DCAF13: variants seen among roughly 807,000 people sequenced by gnomAD.
DCAF13 encodes the protein DDB1 and CUL4 associated factor 13.
DCAF13 carries 38 observed loss-of-function variants against 59.0 expected under a neutral mutation model. The observed-to-expected ratio is 0.64, with a 90% CI of 0.50 to 0.84. DCAF13 has a LOEUF of 0.84. Ranked by LOEUF, DCAF13 falls within the 40% of genes least tolerant of loss-of-function variation. DCAF13 has a pLI of 0.00. For missense variants in DCAF13, 469 were observed against 558.4 expected (o/e 0.84, Z 1.61); for synonymous variants, 173 against 175.0 (o/e 0.99, Z 0.09).
At position 103,418,862 on chromosome 8, in the gene DCAF13, ATATATTTTTTTTTTTTTTTTTTTT is replaced by A. The variant is rs1369104002; in HGVS notation, c.71-1400_71-1377del. ...TATATATATATATATATATATATAT[ATATATTTTTTTTTTTTTTTTTTTT>A]TTTTTTTTTTTTTTTGAGATGAAGT... is the stretch of plus-strand genomic sequence containing the variant. On this transcript the variant is annotated intron_variant, in intron 1 of 10. Coordinates refer to ENST00000612750, the MANE Select transcript of DCAF13 (RefSeq NM_015420.7). Among the ~76,000 whole-genome samples, 6 of 21,260 alleles carry A rather than the reference ATATATTTTTTTTTTTTTTTTTTTT, an allele frequency of 2.8e-4. No homozygotes were observed. The South Asian group carries it at 5.8e-3, about 20-fold the overall frequency. 13.9% of individuals were successfully genotyped at this position (21,260 alleles called of 152,430 possible). A position where few individuals can be genotyped will look rare whatever the true frequency, so the allele number is the denominator to read the frequency against.
At position 103,415,514 on chromosome 8, in the gene DCAF13, G is replaced by A. The variant is rs149094412; in HGVS notation, c.68G>A (p.Arg23Lys). Residue 23 changes from arginine (R) to lysine (K), a missense_variant and splice_region_variant, in exon 1 of 11, where the codon AGA becomes AAA. Transcript: ENST00000612750. ...YVRETKLDLQ[R>K]VPRNYDPALH... ...CGCGAAACCAAGTTGGACTTACAGA[G>A]AGGTAAGATAAGTTGGTAGGGAGAA... 6.2e-6 allele frequency: 10 copies of A among 1,606,728 alleles called. No individual in the cohort carries two copies. In the African/African-American group the frequency reaches 1.1e-4, roughly 17 times the overall value.
Position 103,442,871 on chromosome 8 carries a change from G to A in DCAF13, c.1327G>A (p.Val443Ile), listed in dbSNP as rs1255573541. 2 of 1,603,542 alleles carry A rather than the reference G, an allele frequency of 1.2e-6. No individual in the cohort carries two copies. The highest frequency in any genetic ancestry group is 2.2e-5 in the South Asian group (2 of 89,764). ...AGAGAAGAAGAAACACGTAGTGGCA[G>A]TTGTAAAATAATTGGTATTCCTAAC... ...VSEKKKHVVA[V>I]VK Residue 443 changes from valine (V) to isoleucine (I), a missense_variant, in exon 11 of 11, where the codon GTT becomes ATT. Around this residue, in one of 3 missense-constraint regions of DCAF13, gnomAD observed 84 missense variants for 92.3 expected, o/e 0.91. Transcript: ENST00000612750.
Position 103,435,414 on chromosome 8 carries a change from A to G in DCAF13, c.786-212A>G, listed in dbSNP as rs143071451. Among the ~76,000 whole-genome samples, 363 of 152,172 alleles carry G rather than the reference A, an allele frequency of 2.4e-3. 2 individuals are homozygous for G. The highest frequency in any genetic ancestry group is 3.3e-3 in the Non-Finnish European group (221 of 67,986). ...CTACAATGAGATTTATAGGGTGGAA[A>G]ATGTGTTGGTATATATATAAGTGGA... On this transcript the variant is annotated intron_variant, in intron 7 of 10. Coordinates refer to ENST00000612750, the MANE Select transcript of DCAF13 (RefSeq NM_015420.7).
At chr8:103,442,292 T>A (rs1817021909) in intron 10 of DCAF13, 2 of 152,304 alleles carry the variant, frequency 1.3e-5, no homozygotes, top group Admixed American at 1.3e-4. Flanking sequence ...TTTTCCAAGT[T>A]AAAGAATTAA....
chr8:103,441,696 A>G (rs1586136376), intron 10 of DCAF13, 78 bp downstream of exon 10: 1 of 1,350,834 alleles, frequency 7.4e-7, no homozygotes, highest in Non-Finnish European at 1.0e-6. Flanking sequence ...GTTAACTGCC[A>G]TTCAAGGGAG....
intron 7 of DCAF13, 30 bp downstream of exon 7, chr8:103,432,771 A>G (rs759188474): frequency 3.0e-6 from 4 of 1,354,500 alleles, no homozygotes; most frequent in Admixed American, 1.7e-5. Flanking sequence ...AAACTTGTGT[A>G]TTTCTATCAT....
chr8:103,435,804 A>G lies in DCAF13; in HGVS notation c.950+14A>G. On this transcript the variant is annotated intron_variant, in intron 8 of 10. Transcript: ENST00000612750. ...AAGTCGAAGCAGGTATGTGCCTACC[A>G]GTAAGCCATTTATATTCATATGTCA... 2.5e-6 allele frequency: 4 copies of G among 1,612,408 alleles called. No homozygotes were observed. The highest frequency in any genetic ancestry group is 2.5e-6 in the Non-Finnish European group (3 of 1,179,182).
Position 103,427,730 on chromosome 8 carries a change from T to C in DCAF13, c.624+478T>C, listed in dbSNP as rs966051058. 7.1e-5 allele frequency: 11 copies of C among 154,230 alleles called. 1 individual carries two copies. Among genetic ancestry groups the C allele is most frequent in the African/African-American group, 1.7e-4 (7 of 41,490 alleles). 9.6% of individuals were successfully genotyped at this position (154,230 alleles called of 1,614,324 possible). On this transcript the variant is annotated intron_variant, in intron 5 of 10. Coordinates refer to ENST00000612750, the MANE Select transcript of DCAF13 (RefSeq NM_015420.7). ...TGTTGAACTGCATGGTAATTAGTTATAGTTATATTTTTCTTTGCTCAGAAG... is the reference window on the plus strand; with the variant it reads ...TGTTGAACTGCATGGTAATTAGTTACAGTTATATTTTTCTTTGCTCAGAAG...
At position 103,432,665 on chromosome 8, in the gene DCAF13, T is replaced by C; in HGVS notation, c.709T>C (p.Leu237=). The C allele has an allele frequency of 6.3e-7, 1 of 1,585,812 alleles. No individual in the cohort carries two copies. Among genetic ancestry groups the C allele is most frequent in the Non-Finnish European group, 8.6e-7 (1 of 1,157,154 alleles). The part of the protein sequence containing the change: ...RQATPLKKVI[L]DMRTNTICWN... Reference sequence around the variant, plus strand: ...TCCATTCTTCCTTTCTCAGGTTATCTTAGATATGAGAACAAATACAATCTG... The same window carrying C: ...TCCATTCTTCCTTTCTCAGGTTATCCTAGATATGAGAACAAATACAATCTG... Residue 237 remains leucine (L), a synonymous_variant, in exon 7 of 11, where the codon TTA becomes CTA. Coordinates refer to ENST00000612750, the MANE Select transcript of DCAF13 (RefSeq NM_015420.7).
chr8:103,425,047 A>G (rs1192939925), intron 3 of DCAF13, among the ~76,000 whole-genome samples: 2 of 152,244 alleles, frequency 1.3e-5, no homozygotes, highest in Non-Finnish European at 2.9e-5. Context: ...TCTCATGGGC[A>G]CTGTAAACTG....
chr8:103,423,602 G>T (rs1816751700), intron 3 of DCAF13, among the ~76,000 whole-genome samples: 1 of 152,116 alleles, frequency 6.6e-6, no homozygotes, highest in Admixed American at 6.5e-5. Flanking sequence ...GATGGATGTT[G>T]TACAACACTG....
At chr8:103,437,905 A>G (rs1053513633) in intron 8 of DCAF13, among the ~76,000 whole-genome samples, 8 of 152,220 alleles carry the variant, frequency 5.3e-5, no homozygotes, top group African/African-American at 1.7e-4. Flanking sequence ...TAGTGTTCAC[A>G]TGGAAAAATT....
At chr8:103,425,217 T>C (rs1348627657) in intron 3 of DCAF13, among the ~76,000 whole-genome samples, 2 of 152,224 alleles carry the variant, frequency 1.3e-5, no homozygotes, top group Non-Finnish European at 1.5e-5. Flanking sequence ...AAACTAGCAG[T>C]TTTGTATGTA....
At chr8:103,421,452 A>G (rs1160775242) in intron 3 of DCAF13, among the ~76,000 whole-genome samples, 1 of 152,204 alleles carries the variant, frequency 6.6e-6, no homozygotes, top group Non-Finnish European at 1.5e-5. Flanking sequence ...TCCGGAACGT[A>G]AAATTTACTC....
intron 1 of DCAF13, 94 bp from the exon 2 acceptor site, chr8:103,420,170 A>G: frequency 1.8e-6 from 2 of 1,110,526 alleles, no homozygotes; most frequent in South Asian, 1.3e-5. Context: ...CAATGTCACT[A>G]ACTAAATGCT....
chr8:103,420,786 A>G (rs1323550344), intron 2 of DCAF13, 189 bp from the exon 3 acceptor site: 5 of 592,250 alleles, frequency 8.4e-6, no homozygotes, highest in Non-Finnish European at 1.5e-5. Flanking sequence ...TTTAGAATCA[A>G]CAGAGTATTT....
In DCAF13 at chr8:103,429,519, C is replaced by G. The variant is rs1348029928; in HGVS notation, c.625-1093C>G. ...GAACCATGAGTGAGGAGGAATGATG[C>G]TACAGAGAGAGGGTTTCAGGGATCC... On this transcript the variant is annotated intron_variant, in intron 5 of 10. Transcript: ENST00000612750. The G allele has an allele frequency of 2.0e-5, 3 of 152,202 alleles. No individual in the cohort carries two copies. The East Asian group carries it at 5.8e-4, about 29-fold the overall frequency. 9.4% of individuals were successfully genotyped at this position (152,202 alleles called of 1,614,324 possible). A position where few individuals can be genotyped will look rare whatever the true frequency, so the allele number is the denominator to read the frequency against.
chr8:103,415,580 TC>T (rs1442180950), intron 1 of DCAF13, 64 bp downstream of exon 1: 3 of 1,501,578 alleles, frequency 2.0e-6, no homozygotes, highest in East Asian at 4.6e-5. Context: ...GCCTCGGCTT[TC>T]GCGGAGTAAA....
At chr8:103,442,647 C>A in intron 10 of DCAF13, 148 bp from the exon 11 acceptor site, 2 of 511,778 alleles carry the variant, frequency 3.9e-6, no homozygotes, top group Non-Finnish European at 3.5e-6. Flanking sequence ...TTTCTTGGTA[C>A]TAGCTTCCTT....
Sources: gnomAD v4.1 joint callset for allele counts (sites outside exome capture counted in the v4.1 genomes callset) on GRCh38, gnomAD v4.1.1 for gene constraint, gnomAD v4.1.1 regional missense constraint, MANE v1.5 for transcripts, NCBI Gene and HGNC (gene_info 2026-07-23, HGNC 2026-07-21) for gene names.